Variants in TLL2 observed in about 807,000 individuals in gnomAD.
TLL2 encodes the protein tolloid-like protein 2.
A neutral mutation model predicts 123.0 loss-of-function variants in TLL2; 106 were observed. The ratio of observed to expected loss-of-function variants is 0.86; its 90% CI spans 0.74 to 1.01. The LOEUF (loss-of-function observed/expected upper bound fraction) is 1.01, where lower values mean the gene tolerates loss of function less well. TLL2 is among the 50% of genes least tolerant of loss of function. The pLI is 0.00. For synonymous variants in TLL2, 494 were observed against 516.8 expected, an observed-to-expected ratio of 0.96 and a Z score of 0.60; for missense variants, 1,332 against 1,336.7, an observed-to-expected ratio of 1.00 and a Z score of 0.06.
rs371513150 is a variant in TLL2 at position 96,438,761 on chromosome 10, C to T, written c.365-5799G>A. Reference sequence around the variant, plus strand: ...TCTTGGGAAAAGGTGTTTGGTCTTTCGACCATTGAGTATAATGTAAGCTGT... The same window carrying T: ...TCTTGGGAAAAGGTGTTTGGTCTTTTGACCATTGAGTATAATGTAAGCTGT... On this transcript the variant is annotated intron_variant, in intron 3 of 20. Transcript: ENST00000357947. Among the ~76,000 whole-genome samples, 137 of 152,292 alleles carry T rather than the reference C, an allele frequency of 9.0e-4. 1 individual carries two copies. The highest frequency in any genetic ancestry group is 3.0e-3 in the African/African-American group (123 of 41,574).
chr10:96,376,079 T>C (rs187322501), intron 18 of TLL2, among the ~76,000 whole-genome samples: 14 of 152,288 alleles, frequency 9.2e-5, no homozygotes, highest in Admixed American at 7.8e-4. Flanking sequence ...AAATTTTTAA[T>C]TCAAGAGGGA....
intron 13 of TLL2, among the ~76,000 whole-genome samples, chr10:96,391,306 C>T (rs1370537854): frequency 6.6e-6 from 1 of 152,150 alleles, no homozygotes; most frequent in Non-Finnish European, 1.5e-5. Context: ...AGGTATGGGC[C>T]GGTCGTAGGA....
intron 1 of TLL2, among the ~76,000 whole-genome samples, chr10:96,497,418 T>G (rs967985837): frequency 6.6e-6 from 1 of 152,338 alleles, no homozygotes; most frequent in Admixed American, 6.5e-5. Context: ...CTTCACCCTC[T>G]CCACTCTGCT....
rs546097629 is a variant in TLL2 at position 96,413,661 on chromosome 10, G to A, written c.924-345C>T. Among the ~76,000 whole-genome samples, 4 of 152,214 alleles carry A rather than the reference G, an allele frequency of 2.6e-5. No homozygotes were observed. The East Asian group carries it at 5.8e-4, about 22-fold the overall frequency. On this transcript the variant is annotated intron_variant, in intron 7 of 20. Transcript: ENST00000357947. The stretch of plus-strand genomic sequence containing the variant: ...CCGGAGAGACCACGGTGTGAATGGC[G>A]CCCCCTGCAGCTGTGCATTGGGAAG...
intron 7 of TLL2, among the ~76,000 whole-genome samples, chr10:96,415,033 C>G (rs576407004): frequency 1.4e-3 from 209 of 152,284 alleles, no homozygotes; most frequent in Admixed American, 1.8e-3. Flanking sequence ...CCCTTGGCCA[C>G]AATGCTGCAA....
chr10:96,508,131 C>T (rs1847594426), intron 1 of TLL2, among the ~76,000 whole-genome samples: 1 of 152,292 alleles, frequency 6.6e-6, no homozygotes, highest in Non-Finnish European at 1.5e-5. Flanking sequence ...ACCATGTGAG[C>T]CTCATCTCTG....
At chr10:96,400,915 A>G (rs1846387068) in intron 10 of TLL2, among the ~76,000 whole-genome samples, 1 of 152,284 alleles carries the variant, frequency 6.6e-6, no homozygotes, top group South Asian at 2.1e-4. Context: ...TGACAAACCA[A>G]TTTGATATCT....
chr10:96,498,913 C>T (rs142167246), intron 1 of TLL2, among the ~76,000 whole-genome samples: 1 of 152,274 alleles, frequency 6.6e-6, no homozygotes, highest in East Asian at 1.9e-4. Context: ...AGAATGGAGA[C>T]CTCCAGATTT....
At chr10:96,393,917 G>A (rs564906327) in intron 13 of TLL2, among the ~76,000 whole-genome samples, 165 of 152,144 alleles carry the variant, frequency 1.1e-3, no homozygotes, top group African/African-American at 3.6e-3. Context: ...CTCCACAGCC[G>A]TCCTTTCTTT....
intron 1 of TLL2, among the ~76,000 whole-genome samples, chr10:96,500,272 T>C (rs561711694): frequency 6.6e-6 from 1 of 151,992 alleles, no homozygotes; most frequent in African/African-American, 2.4e-5. Flanking sequence ...GAGCTGTGAT[T>C]GCGCCACTGC....
chr10:96,495,766 G>C (rs1013754431), intron 1 of TLL2, among the ~76,000 whole-genome samples: 2 of 152,102 alleles, frequency 1.3e-5, no homozygotes, highest in African/African-American at 4.8e-5. Context: ...TGAGATTAAA[G>C]GGTAGGGTCT....
rs1462893612 is a variant in TLL2, at chr10:96,367,082, A to G, written c.*1006T>C. 1 of 152,312 alleles carries G rather than the reference A, an allele frequency of 6.6e-6. No homozygotes were observed. Among genetic ancestry groups the G allele is most frequent in the African/African-American group, 2.4e-5 (1 of 41,468 alleles). The allele number at this position is 152,312 out of a possible 1,614,324, so 9.4% of individuals were successfully genotyped here. A position where few individuals can be genotyped will look rare whatever the true frequency, so the allele number is the denominator to read the frequency against. ...ACTGATTGACTTGTTCCACAAGGCG[A>G]TGATTCTTACATAACTTATAATTAA... On this transcript the variant is annotated 3_prime_UTR_variant, in exon 21 of 21. Transcript: ENST00000357947.
chr10:96,445,958 G>T, intron 3 of TLL2, 133 bp downstream of exon 3: 1 of 906,816 alleles, frequency 1.1e-6, no homozygotes, highest in Non-Finnish European at 1.8e-6. Context: ...AGGGGTAATG[G>T]TTACATAGCA....
intron 11 of TLL2, 142 bp downstream of exon 11, chr10:96,397,044 C>T (rs1846349188): frequency 3.0e-6 from 2 of 674,170 alleles, no homozygotes; most frequent in Non-Finnish European, 4.9e-6. Flanking sequence ...CTGTGGAATC[C>T]TCAGCTTGCC....
At chr10:96,500,083 C>G (rs10882804) in intron 1 of TLL2, among the ~76,000 whole-genome samples, 61,978 of 141,256 alleles carry the variant, frequency 0.44, 13,864 homozygotes, top group Middle Eastern at 0.63. Flanking sequence ...GAGTTTGAGA[C>G]CAGCCTGGCC....
In TLL2 at chr10:96,432,928, A is replaced by T. The variant is rs549127678; in HGVS notation, c.399T>A (p.Pro133=). 4 of 1,614,084 alleles carry T rather than the reference A, an allele frequency of 2.5e-6. No individual in the cohort carries two copies. The South Asian group carries it at 4.4e-5, about 18-fold the overall frequency. ...GRENTTLLHS[P]GTLHAAAKTF... ...TCTTGGCTGCGGCATGCAAGGTCCC[A>T]GGGCTGTGCAGGAGTGTGGTATTCT... The change falls in exon 4 of 21, where the codon CCT becomes CCA. Residue 133 remains proline (P), a synonymous_variant. Coordinates refer to ENST00000357947, the MANE Select transcript of TLL2 (RefSeq NM_012465.4).
chr10:96,504,257 C>T (rs1263152204), intron 1 of TLL2, among the ~76,000 whole-genome samples: 2 of 152,190 alleles, frequency 1.3e-5, no homozygotes, highest in African/African-American at 4.8e-5. Context: ...ATGCCTTAGC[C>T]TAATGCCATC....
chr10:96,504,591 T>A (rs988601917), intron 1 of TLL2, among the ~76,000 whole-genome samples: 6 of 151,942 alleles, frequency 3.9e-5, no homozygotes, highest in African/African-American at 9.7e-5. Context: ...ACAAAAAGTC[T>A]CTGAGTATAG....
chr10:96,456,694 C>T (rs4919022), intron 2 of TLL2, among the ~76,000 whole-genome samples: 16,174 of 152,252 alleles, frequency 0.11, 967 homozygotes, highest in Non-Finnish European at 0.14. Flanking sequence ...GCCCTCGGAG[C>T]CATCCAAGGT....
Sources: allele counts gnomAD v4.1 joint callset (sites outside exome capture counted in the v4.1 genomes callset), GRCh38; gene constraint gnomAD v4.1.1; transcripts MANE v1.5; gene names NCBI Gene and HGNC (gene_info 2026-07-23, HGNC 2026-07-21).